MRTFB: variants seen among roughly 807,000 people sequenced by gnomAD.
MRTFB encodes myocardin related transcription factor B.
A neutral mutation model predicts 104.2 loss-of-function variants in MRTFB; 29 were observed. That is an observed-to-expected ratio of 0.28 (90% CI 0.21 to 0.38). The LOEUF (loss-of-function observed/expected upper bound fraction) is 0.38. MRTFB is among the 10% of genes least tolerant of loss of function. MRTFB has a pLI of 1.00. For synonymous variants in MRTFB, 535 were observed against 519.5 expected (o/e 1.03, Z -0.41); for missense variants, 1,270 against 1,341.6 (o/e 0.95, Z 0.83).
chr16:14,261,469 T>A lies in MRTFB; in HGVS notation c.*25T>A. On this transcript the variant is annotated 3_prime_UTR_variant, in exon 17 of 17. Transcript: ENST00000571589. The stretch of plus-strand genomic sequence containing the variant: ...ACGTCACAGATTTCTTTTCTGAGAG[T>A]TGATGAGGTTTAAGAACATGAAGAT... 1.3e-6 allele frequency: 2 copies of A among 1,560,174 alleles called. 1 individual carries two copies. The highest frequency in any genetic ancestry group is 2.4e-5 in the South Asian group (2 of 82,428).
chr16:14,095,561 G>T (rs891194100), intron 2 of MRTFB, among the ~76,000 whole-genome samples: 2 of 152,226 alleles, frequency 1.3e-5, no homozygotes, highest in African/African-American at 4.8e-5. Context: ...GGCAGTGCAG[G>T]TGTCATGAGA....
intron 8 of MRTFB, among the ~76,000 whole-genome samples, chr16:14,230,060 G>A (rs1215761427): frequency 6.6e-6 from 1 of 152,030 alleles, no homozygotes; most frequent in African/African-American, 2.4e-5. Flanking sequence ...AAATGGTGCT[G>A]GGAAAACTGG....
intron 3 of MRTFB, among the ~76,000 whole-genome samples, chr16:14,205,483 C>G (rs2040900856): frequency 6.6e-6 from 1 of 152,158 alleles, no homozygotes; most frequent in Admixed American, 6.5e-5. Context: ...ATGAGATATG[C>G]TTTTTTATAT....
chr16:14,178,999 T>C (rs914577896), intron 3 of MRTFB, among the ~76,000 whole-genome samples: 1 of 152,078 alleles, frequency 6.6e-6, no homozygotes, highest in African/African-American at 2.4e-5. Context: ...CACCTTAGCC[T>C]CCCAAAGTGC....
chr16:14,229,238 T>TA (rs2042151074), intron 8 of MRTFB, among the ~76,000 whole-genome samples: 1 of 152,214 alleles, frequency 6.6e-6, no homozygotes, highest in Non-Finnish European at 1.5e-5. Flanking sequence ...TGCTTAAACT[T>TA]ATAGGAACAA....
At chr16:14,257,812 T>G (rs920623998) in intron 15 of MRTFB, among the ~76,000 whole-genome samples, 3 of 152,160 alleles carry the variant, frequency 2.0e-5, no homozygotes, top group African/African-American at 7.2e-5. Flanking sequence ...ATAAAGACAC[T>G]TTTAAAATAA....
Position 14,193,210 on chromosome 16 carries a change from C to CAAAAA in MRTFB, c.155-17008_155-17004dup, listed in dbSNP as rs10616011. On this transcript the variant is annotated intron_variant, in intron 3 of 16. Transcript: ENST00000571589. ...CCTGGGCAACAGTGAGACCCTGTCT[C>CAAAAA]AAAAAAAAAAAAAAAAAAAAAAAAA... Among the ~76,000 whole-genome samples, 34 of 56,440 alleles carry CAAAAA rather than the reference C, an allele frequency of 6.0e-4. 2 individuals carry two copies. Among genetic ancestry groups the CAAAAA allele is most frequent in the Non-Finnish European group, 8.9e-4 (29 of 32,476 alleles). 37.0% of individuals were successfully genotyped at this position (56,440 alleles called of 152,430 possible).
In MRTFB at chr16:14,252,457, G is replaced by C. The variant is rs149835681; in HGVS notation, c.2658G>C (p.Glu886Asp). The change falls in exon 15 of 17, where the codon GAG becomes GAC. Residue 886 changes from glutamate to aspartate, a missense_variant. Transcript: ENST00000571589. The part of the protein sequence containing the change: ...VAKTKDPPRY[E>D]EAIKQTRSTQ... ...AGACAAAAGATCCCCCCCGCTATGAGGAGGCCATCAAGCAGACACGCAGCA... is the reference window on the plus strand; with the variant it reads ...AGACAAAAGATCCCCCCCGCTATGACGAGGCCATCAAGCAGACACGCAGCA... The C allele has an allele frequency of 1.2e-6, 2 of 1,613,608 alleles. No homozygotes were observed. The highest frequency in any genetic ancestry group is 2.7e-5 in the African/African-American group (2 of 74,732).
At chr16:14,086,950 G>A (rs1044870391) in intron 2 of MRTFB, among the ~76,000 whole-genome samples, 7 of 152,184 alleles carry the variant, frequency 4.6e-5, no homozygotes, top group African/African-American at 1.7e-4. Flanking sequence ...TAGGCACAAA[G>A]CTTAAAGTTT....
Position 14,246,832 on chromosome 16 carries a change from C to T in MRTFB, c.1572C>T (p.Asp524=). The part of the protein sequence containing the change: ...SLSTDDTNMA[D]TFTEIMTMMS... The stretch of plus-strand genomic sequence containing the variant: ...GTACTGATGACACAAACATGGCAGA[C>T]ACTTTCACCGAGATTATGACCATGA... The change falls in exon 12 of 17, where the codon GAC becomes GAT. Residue 524 remains aspartate, a synonymous_variant. Coordinates refer to ENST00000571589, the MANE Select transcript of MRTFB (RefSeq NM_001308142.2). The T allele has an allele frequency of 6.2e-7, 1 of 1,612,634 alleles. No homozygotes were observed. Among genetic ancestry groups the T allele is most frequent in the Non-Finnish European group, 8.5e-7 (1 of 1,180,024 alleles).
chr16:14,166,642 C>T (rs2039251379), intron 3 of MRTFB, among the ~76,000 whole-genome samples: 1 of 152,130 alleles, frequency 6.6e-6, no homozygotes, highest in African/African-American at 2.4e-5. Context: ...TAGCTGTCTT[C>T]CTGATGCTCT....
chr16:14,185,449 T>C (rs1289243691), intron 3 of MRTFB, among the ~76,000 whole-genome samples: 1 of 152,242 alleles, frequency 6.6e-6, no homozygotes, highest in Non-Finnish European at 1.5e-5. Context: ...TGTGTCTGTA[T>C]ATTTTCTTTT....
the MRTFB span, among the ~76,000 whole-genome samples, chr16:14,044,560 G>C: frequency 6.6e-6 from 1 of 152,150 alleles, no homozygotes; most frequent in Non-Finnish European, 1.5e-5. Context: ...CTGTGTACCA[G>C]GACTAAACAG....
the MRTFB span, among the ~76,000 whole-genome samples, chr16:14,023,657 A>ATG: frequency 6.9e-3 from 1,000 of 145,076 alleles, 9 homozygotes; most frequent in African/African-American, 0.021. Flanking sequence ...ATACATATTT[A>ATG]TGTGTGTGTG....
intron 3 of MRTFB, among the ~76,000 whole-genome samples, chr16:14,153,659 C>A (rs778422744): frequency 1.3e-5 from 2 of 152,148 alleles, no homozygotes; most frequent in Non-Finnish European, 2.9e-5. Flanking sequence ...AATTCAAGAA[C>A]TGAGTCTTAA....
chr16:14,160,471 C>T (rs2038988032), intron 3 of MRTFB, among the ~76,000 whole-genome samples: 1 of 152,128 alleles, frequency 6.6e-6, no homozygotes, highest in Non-Finnish European at 1.5e-5. Context: ...TTACCCTGTT[C>T]CTACTATTTC....
chr16:14,226,304 C>G (rs1285029649), intron 8 of MRTFB, among the ~76,000 whole-genome samples: 1 of 152,152 alleles, frequency 6.6e-6, no homozygotes, highest in Non-Finnish European at 1.5e-5. Context: ...TCGAAACTTA[C>G]TACAAAGACA....
rs2043124658 is a variant in MRTFB, at chr16:14,248,642, C to G, written c.2248-284C>G. The G allele has an allele frequency of 2.2e-5, 7 of 311,392 alleles. No individual in the cohort carries two copies. The South Asian group carries it at 2.6e-4, about 12-fold the overall frequency. 19.3% of individuals were successfully genotyped at this position (311,392 alleles called of 1,614,324 possible). ...CCTGAGCTATTATGTGTAGAACTGC[C>G]TTAGGTTCTTATTATTTCCATTTCC... On this transcript the variant is annotated intron_variant, in intron 12 of 16. Coordinates refer to ENST00000571589, the MANE Select transcript of MRTFB (RefSeq NM_001308142.2).
At chr16:14,159,600 T>C (rs1488628705) in intron 3 of MRTFB, among the ~76,000 whole-genome samples, 1 of 152,218 alleles carries the variant, frequency 6.6e-6, no homozygotes. Context: ...ACATGATCTT[T>C]GTAACGCCTG....
Sources: allele counts gnomAD v4.1 joint callset (sites outside exome capture counted in the v4.1 genomes callset), GRCh38; gene constraint gnomAD v4.1.1; transcripts MANE v1.5; gene names NCBI Gene and HGNC (gene_info 2026-07-23, HGNC 2026-07-21).